Variants in ZMYND8 observed in about 807,000 individuals in gnomAD.
ZMYND8 encodes MYND-type zinc finger-containing chromatin reader ZMYND8.
Under a neutral mutation model 140.8 loss-of-function variants are expected in ZMYND8, and 37 were observed. The observed-to-expected ratio is 0.26, with a 90% CI of 0.20 to 0.35. The LOEUF is 0.35. Among genes scored for constraint, ZMYND8 ranks in the 10% least tolerant of loss-of-function variants. The pLI is 1.00. For synonymous variants in ZMYND8, 592 were observed against 597.1 expected (o/e 0.99, Z 0.12); for missense variants, 1,068 against 1,570.0 (o/e 0.68, Z 5.40).
At chr20:47,264,551 A>G (rs752120887) in intron 11 of ZMYND8, among the ~76,000 whole-genome samples, 2 of 152,214 alleles carry the variant, frequency 1.3e-5, no homozygotes, top group Non-Finnish European at 2.9e-5. Flanking sequence ...TGCTGGGATT[A>G]CAGCCATGAG....
intron 2 of ZMYND8, among the ~76,000 whole-genome samples, chr20:47,331,942 G>A (rs890375415): frequency 5.3e-5 from 8 of 152,228 alleles, no homozygotes; most frequent in East Asian, 3.8e-4. Context: ...GGTGGCTCAC[G>A]CCTGTAATCC....
chr20:47,239,640 ACACT>A (rs910341044), intron 14 of ZMYND8, among the ~76,000 whole-genome samples: 1 of 152,220 alleles, frequency 6.6e-6, no homozygotes, highest in Non-Finnish European at 1.5e-5. Flanking sequence ...CAAAGCAGTA[ACACT>A]CAGTCACCCA....
intron 17 of ZMYND8, among the ~76,000 whole-genome samples, chr20:47,229,321 T>C (rs1274170640): frequency 3.3e-5 from 5 of 152,030 alleles, no homozygotes; most frequent in African/African-American, 1.2e-4. Flanking sequence ...AACCACTTTC[T>C]TGTCTACACA....
At chr20:47,350,372 G>C (rs1178591264) in intron 1 of ZMYND8, among the ~76,000 whole-genome samples, 2 of 135,380 alleles carry the variant, frequency 1.5e-5, no homozygotes, top group Non-Finnish European at 3.3e-5. Flanking sequence ...CAAAAGCAAA[G>C]ACCAGAATGC....
chr20:47,262,219 A>G, intron 12 of ZMYND8, 69 bp downstream of exon 12: 1 of 1,606,760 alleles, frequency 6.2e-7, no homozygotes, highest in Admixed American at 1.7e-5. Context: ...CACATACACA[A>G]GAGGATACGT....
chr20:47,316,559 G>A (rs7266074), intron 2 of ZMYND8, among the ~76,000 whole-genome samples: 14,351 of 151,890 alleles, frequency 0.094, 2,212 homozygotes, highest in African/African-American at 0.32. Context: ...TTGGGAGGCC[G>A]AGGCAGGCAG....
chr20:47,216,513 A>AAAAAG (rs1224983387), intron 21 of ZMYND8, among the ~76,000 whole-genome samples: 8 of 144,572 alleles, frequency 5.5e-5, no homozygotes, highest in African/African-American at 2.1e-4. Flanking sequence ...AAAAAAAAAA[A>AAAAAG]AAAAAGGGCC....
At chr20:47,308,090 C>T (rs937894824) in intron 3 of ZMYND8, among the ~76,000 whole-genome samples, 3 of 149,924 alleles carry the variant, frequency 2.0e-5, no homozygotes, top group African/African-American at 7.4e-5. Context: ...TGCACCCCAG[C>T]CTGGGTGACA....
Position 47,283,673 on chromosome 20 carries a change from T to C in ZMYND8, c.805-25A>G, listed in dbSNP as rs369657958. 2.5e-6 allele frequency: 4 copies of C among 1,609,656 alleles called. No individual in the cohort carries two copies. In the African/African-American group the frequency reaches 5.3e-5, roughly 22 times the overall value. On this transcript the variant is annotated intron_variant, in intron 8 of 22. Transcript: ENST00000471951. Reference sequence around the variant, plus strand: ...TCTGTAAAGCAAAAATACATTAGAATGTGTCACCCCAGGGGTGGATATCTT... The same window carrying C: ...TCTGTAAAGCAAAAATACATTAGAACGTGTCACCCCAGGGGTGGATATCTT...
chr20:47,251,148 C>T (rs2074136581), intron 12 of ZMYND8, among the ~76,000 whole-genome samples: 1 of 152,032 alleles, frequency 6.6e-6, no homozygotes, highest in Non-Finnish European at 1.5e-5. Flanking sequence ...AGACACTATC[C>T]CTGTAATTCA....
At chr20:47,212,604 A>C (rs376502405) in intron 22 of ZMYND8, 38 bp downstream of exon 22, 1 of 1,607,678 alleles carries the variant, frequency 6.2e-7, no homozygotes, top group African/African-American at 1.3e-5. Flanking sequence ...TACCAGGAAG[A>C]AGCCCCGGCA....
At chr20:47,349,735 A>T (rs1483083138) in intron 1 of ZMYND8, 1 of 1,342,218 alleles carries the variant, frequency 7.5e-7, no homozygotes, top group African/African-American at 1.5e-5. Context: ...GAAGTATGTG[A>T]AATTCTAAAC....
chr20:47,314,986 G>A (rs377622702), intron 2 of ZMYND8, among the ~76,000 whole-genome samples: 1 of 152,230 alleles, frequency 6.6e-6, no homozygotes, highest in South Asian at 2.1e-4. Flanking sequence ...CAATTTCTAG[G>A]GACATGGAGT....
rs773739583 is a variant in ZMYND8, at chr20:47,334,605, A to AAAAAAAAT, written c.85+13250_85+13251insATTTTTTT. On this transcript the variant is annotated intron_variant, in intron 2 of 22. Transcript: ENST00000471951. ...GCTGCACAACTCTGTGAAAAAAAAA[A>AAAAAAAAT]ATATATATATATATATATATATTTT... Among the ~76,000 whole-genome samples the AAAAAAAAT allele has an allele frequency of 4.9e-5, 7 of 141,724 alleles. No individual in the cohort carries two copies. The East Asian group carries it at 1.5e-3, about 29-fold the overall frequency. The allele number at this position is 141,724 out of a possible 152,430, so 93.0% of individuals were successfully genotyped here. A position where few individuals can be genotyped will look rare whatever the true frequency, so the allele number is the denominator to read the frequency against.
chr20:47,276,911 A>G (rs529845621), intron 10 of ZMYND8, 116 bp from the exon 11 acceptor site: 6 of 104,464 alleles, frequency 5.7e-5, no homozygotes, highest in Non-Finnish European at 9.7e-5. Flanking sequence ...TTATTCTATT[A>G]AAAAAAAAAA....
rs985380685 is a variant in ZMYND8, at chr20:47,298,712, A to T, written c.453+17T>A. 4 of 1,607,088 alleles carry T rather than the reference A, an allele frequency of 2.5e-6. No individual in the cohort carries two copies. The East Asian group carries it at 9.0e-5, about 36-fold the overall frequency. On this transcript the variant is annotated intron_variant, in intron 4 of 22. Transcript: ENST00000471951. This position sits in a 1 kb window ranked among gnomAD's most constrained non-coding sequence, Gnocchi z 5.0. Reference sequence around the variant, plus strand: ...AGGAAACGAGGCAGGTAATGCATTCATTCATCAGGAACTAACCTCACATTC... The same window carrying T: ...AGGAAACGAGGCAGGTAATGCATTCTTTCATCAGGAACTAACCTCACATTC...
At chr20:47,340,183 G>C (rs555148452) in intron 2 of ZMYND8, among the ~76,000 whole-genome samples, 1 of 151,930 alleles carries the variant, frequency 6.6e-6, no homozygotes, top group African/African-American at 2.4e-5. Context: ...CTCATGATCC[G>C]CCTCTCAAAG....
At chr20:47,301,108 T>C (rs1018410745) in intron 3 of ZMYND8, among the ~76,000 whole-genome samples, 4 of 152,014 alleles carry the variant, frequency 2.6e-5, no homozygotes, top group African/African-American at 7.2e-5. Flanking sequence ...TCTATTCTCA[T>C]TTCTGCAAAG....
intron 1 of ZMYND8, chr20:47,356,421 G>C: frequency 2.0e-6 from 3 of 1,537,828 alleles, no homozygotes; most frequent in Non-Finnish European, 2.6e-6. Context: ...CCATGCCCTG[G>C]TGGAAGGAAA....
Sources: gnomAD v4.1 joint callset for allele counts (sites outside exome capture counted in the v4.1 genomes callset) on GRCh38, gnomAD v4.1.1 for gene constraint, Gnocchi (gnomAD v3.1) non-coding constraint, MANE v1.5 for transcripts, NCBI Gene and HGNC (gene_info 2026-07-23, HGNC 2026-07-21) for gene names.